ASAP1: variants seen among roughly 807,000 people sequenced by gnomAD.
ASAP1 encodes arf-GAP with SH3 domain, ANK repeat and PH domain-containing protein 1.
Under a neutral mutation model 145.2 loss-of-function variants are expected in ASAP1, and 43 were observed. The observed-to-expected ratio is 0.30, with a 90% CI of 0.23 to 0.38. The LOEUF (loss-of-function observed/expected upper bound fraction) is 0.38, where lower values mean the gene tolerates loss of function less well. Among genes scored for constraint, ASAP1 ranks in the 10% least tolerant of loss-of-function variants. ASAP1 has a pLI of 1.00. For synonymous variants in ASAP1, 546 were observed against 515.5 expected (o/e 1.06, Z -0.80); for missense variants, 1,018 against 1,355.3 (o/e 0.75, Z 3.91).
At chr8:130,167,419 T>C (rs548855918) in intron 11 of ASAP1, 117 bp downstream of exon 11, 1 of 855,066 alleles carries the variant, frequency 1.2e-6, no homozygotes. Context: ...TTATGGTAGG[T>C]ACATACTTGC....
Position 130,187,283 on chromosome 8 carries a change from A to T in ASAP1, c.483T>A (p.Asp161Glu). The stretch of plus-strand genomic sequence containing the variant: ...AGGCTTTGTCAAATGGCTTCTTGAG[A>T]TCCTTAGAAACGAGAAAATGAGATT... ...LKGDLKGVKG[D>E]LKKPFDKAWK... The change falls in exon 7 of 30, where the codon GAT becomes GAA. Residue 161 changes from aspartate (D) to glutamate (E), a missense_variant and splice_region_variant. By Grantham distance (45) the Asp-to-Glu change is conservative. Around this residue, in one of 9 missense-constraint regions of ASAP1, gnomAD observed 78 missense variants for 161.0 expected, o/e 0.48. Transcript: ENST00000518721. The T allele has an allele frequency of 6.2e-7, 1 of 1,609,044 alleles. No homozygotes were observed. The highest frequency in any genetic ancestry group is 8.5e-7 in the Non-Finnish European group (1 of 1,178,422).
At chr8:130,087,704 C>T (rs1365255309) in intron 25 of ASAP1, among the ~76,000 whole-genome samples, 1 of 152,018 alleles carries the variant, frequency 6.6e-6, no homozygotes, top group African/African-American at 2.4e-5. Context: ...CAGGAGGCCT[C>T]GAGTCTTGCC....
chr8:130,331,392 T>C (rs1258200746), intron 3 of ASAP1, among the ~76,000 whole-genome samples: 1 of 152,200 alleles, frequency 6.6e-6, no homozygotes, highest in Non-Finnish European at 1.5e-5. Context: ...CATTCCTTAC[T>C]AACTGTGTCA....
At chr8:130,215,548 CCTGA>C (rs1357279801) in intron 4 of ASAP1, among the ~76,000 whole-genome samples, 1 of 152,072 alleles carries the variant, frequency 6.6e-6, no homozygotes, top group Non-Finnish European at 1.5e-5. Context: ...TCGAGACCAT[CCTGA>C]CTAACACGGT....
intron 9 of ASAP1, among the ~76,000 whole-genome samples, chr8:130,170,891 A>C (rs1324674034): frequency 6.6e-6 from 1 of 151,866 alleles, no homozygotes; most frequent in Admixed American, 6.6e-5. Flanking sequence ...GCTCATTTTT[A>C]TTTTTGTAAA....
intron 3 of ASAP1, among the ~76,000 whole-genome samples, chr8:130,282,599 C>T (rs929580847): frequency 6.6e-6 from 1 of 152,070 alleles, no homozygotes; most frequent in African/African-American, 2.4e-5. Context: ...GGCCTTTCAG[C>T]TCTGGCATGT....
chr8:130,326,700 G>T (rs1287033161), intron 3 of ASAP1, among the ~76,000 whole-genome samples: 1 of 152,238 alleles, frequency 6.6e-6, no homozygotes, highest in Non-Finnish European at 1.5e-5. Flanking sequence ...TCTACACTTT[G>T]AATGCATTAA....
intron 3 of ASAP1, among the ~76,000 whole-genome samples, chr8:130,313,690 C>T (rs1157240782): frequency 2.6e-5 from 4 of 152,180 alleles, no homozygotes; most frequent in Non-Finnish European, 4.4e-5. Context: ...AACTTCACTG[C>T]CTAAAACCAT....
intron 3 of ASAP1, among the ~76,000 whole-genome samples, chr8:130,252,597 G>A (rs1391409902): frequency 6.6e-6 from 1 of 152,104 alleles, no homozygotes; most frequent in Non-Finnish European, 1.5e-5. Flanking sequence ...GTAGAATATT[G>A]TGTTTCAAGA....
At chr8:130,428,189 G>T (rs1829995739) in intron 1 of ASAP1, among the ~76,000 whole-genome samples, 1 of 151,968 alleles carries the variant, frequency 6.6e-6, no homozygotes, top group African/African-American at 2.4e-5. Context: ...CCTCTTCAGT[G>T]TCCATCTCAC....
intron 4 of ASAP1, among the ~76,000 whole-genome samples, chr8:130,231,911 T>G (rs993629796): frequency 3.9e-5 from 6 of 152,198 alleles, no homozygotes; most frequent in African/African-American, 1.2e-4. Context: ...CCACTCCTAC[T>G]GTACTGACCC....
intron 27 of ASAP1, among the ~76,000 whole-genome samples, chr8:130,075,813 A>G (rs1004196252): frequency 2.6e-5 from 4 of 152,216 alleles, no homozygotes; most frequent in Non-Finnish European, 5.9e-5. Flanking sequence ...GCTTTCTTGT[A>G]CTTTGCAGAG....
chr8:130,116,078 TG>T (rs2097555397), intron 22 of ASAP1, among the ~76,000 whole-genome samples: 2 of 152,232 alleles, frequency 1.3e-5, no homozygotes, highest in Admixed American at 1.3e-4. Context: ...GTCCAATCTG[TG>T]GCCCCATTTT....
intron 5 of ASAP1, among the ~76,000 whole-genome samples, chr8:130,200,642 TACAC>T (rs1009637616): frequency 2.6e-5 from 4 of 152,112 alleles, no homozygotes; most frequent in Non-Finnish European, 5.9e-5. Context: ...CAAACACACA[TACAC>T]ACACTCCATA....
chr8:130,406,112 G>A (rs1389984329), intron 1 of ASAP1, among the ~76,000 whole-genome samples: 2 of 152,010 alleles, frequency 1.3e-5, no homozygotes, highest in East Asian at 3.9e-4. Context: ...TGTTGTTAAG[G>A]GTAAAACAAA....
chr8:130,208,984 T>C (rs962974952), intron 5 of ASAP1, among the ~76,000 whole-genome samples: 1 of 152,168 alleles, frequency 6.6e-6, no homozygotes, highest in Non-Finnish European at 1.5e-5. Context: ...GTGTCAATTA[T>C]AGTTATCTTT....
rs577905484 is a variant in ASAP1, at chr8:130,346,688, A to ATTCT, written c.186+11328_186+11329insAGAA. The stretch of plus-strand genomic sequence containing the variant: ...CAAACTCTTACACACAAAATGCAGA[A>ATTCT]GCCTTGGGATGTGACAGCACTGACT... On this transcript the variant is annotated intron_variant, in intron 3 of 29. Transcript: ENST00000518721. Among the ~76,000 whole-genome samples the ATTCT allele has an allele frequency of 1.1e-4, 17 of 151,580 alleles. No individual in the cohort carries two copies. In the South Asian group the frequency reaches 3.5e-3, roughly 31 times the overall value.
intron 3 of ASAP1, among the ~76,000 whole-genome samples, chr8:130,273,626 G>C (rs1217336428): frequency 6.6e-6 from 1 of 152,188 alleles, no homozygotes; most frequent in African/African-American, 2.4e-5. Context: ...TGGGCATCCT[G>C]ATGGAGGTTG....
At chr8:130,286,096 G>A (rs1821593797) in intron 3 of ASAP1, among the ~76,000 whole-genome samples, 1 of 152,102 alleles carries the variant, frequency 6.6e-6, no homozygotes, top group African/African-American at 2.4e-5. Context: ...AATTTGCCAG[G>A]CAGAATTATT....
Sources: allele counts gnomAD v4.1 joint callset (sites outside exome capture counted in the v4.1 genomes callset), GRCh38; gene constraint gnomAD v4.1.1; regional missense constraint gnomAD v4.1.1; transcripts MANE v1.5; gene names NCBI Gene and HGNC (gene_info 2026-07-23, HGNC 2026-07-21).